Variants in CCDC9 observed in about 807,000 individuals in gnomAD.
CCDC9 encodes coiled-coil domain-containing protein 9.
CCDC9 carries 52 observed loss-of-function variants against 65.6 expected under a neutral mutation model. The observed-to-expected ratio is 0.79, with a 90% confidence interval of 0.63 to 1.00. CCDC9 has a LOEUF of 1.00. Ranked by LOEUF, CCDC9 falls within the 50% of genes least tolerant of loss-of-function variation. The pLI, the probability that CCDC9 is intolerant of heterozygous loss-of-function variation, is 0.00. For synonymous variants in CCDC9, 332 were observed against 280.3 expected, an observed-to-expected ratio of 1.18 and a Z score of -1.84; for missense variants, 834 against 757.2, an observed-to-expected ratio of 1.10 and a Z score of -1.19.
rs1568642375 is a variant in CCDC9 at position 47,271,528 on chromosome 19, C to T, written c.1446C>T (p.Ala482=). ...SPEEPLLEPQ[A]PGTPSSPFSP... Reference sequence around the variant, plus strand: ...AGGAGCCCCTGCTGGAGCCCCAGGCCCCTGGCACGCCTTCCAGCCCTTTCT... The same window carrying T: ...AGGAGCCCCTGCTGGAGCCCCAGGCTCCTGGCACGCCTTCCAGCCCTTTCT... Residue 482 remains alanine, a synonymous_variant, in exon 12 of 12, where the codon GCC becomes GCT. Coordinates refer to ENST00000221922, the MANE Select transcript of CCDC9 (RefSeq NM_015603.3). 2 of 1,613,036 alleles carry T rather than the reference C, an allele frequency of 1.2e-6. No individual in the cohort carries two copies. Among genetic ancestry groups the T allele is most frequent in the Non-Finnish European group, 1.7e-6 (2 of 1,179,886 alleles).
At position 47,271,849 on chromosome 19, in the gene CCDC9, G is replaced by GC; in HGVS notation, c.*174dup. 1.4e-6 allele frequency: 2 copies of GC among 1,404,916 alleles called. No individual in the cohort carries two copies. Among genetic ancestry groups the GC allele is most frequent in the Admixed American group, 3.0e-5 (1 of 33,280 alleles). 87.0% of individuals were successfully genotyped at this position (1,404,916 alleles called of 1,614,324 possible). Reference sequence around the variant, plus strand: ...CCCTGTCAGCTGAGGGGGTAGCGCAGCCCATGCTCTTCTGTACTGTCATGC... The same window carrying GC: ...CCCTGTCAGCTGAGGGGGTAGCGCAGCCCCATGCTCTTCTGTACTGTCATGC... On this transcript the variant is annotated 3_prime_UTR_variant, in exon 12 of 12. Coordinates refer to ENST00000221922, the MANE Select transcript of CCDC9 (RefSeq NM_015603.3).
intron 8 of CCDC9, 124 bp from the exon 9 acceptor site, chr19:47,270,283 G>A (rs1427935736): frequency 1.9e-5 from 17 of 896,740 alleles, no homozygotes; most frequent in African/African-American, 1.5e-4. Flanking sequence ...CCTACTTCTA[G>A]TGTCCCCTGT....
At chr19:47,261,129 TTCCC>T (rs1216216236) in intron 5 of CCDC9, among the ~76,000 whole-genome samples, 9 of 152,030 alleles carry the variant, frequency 5.9e-5, no homozygotes, top group Non-Finnish European at 1.0e-4. Context: ...CTCGCCTTCC[TTCCC>T]TCCCCTCTCC....
Position 47,266,772 on chromosome 19 carries a change from T to C in CCDC9, c.882T>C (p.Asp294=). The change falls in exon 8 of 12, where the codon GAT becomes GAC. Residue 294 remains aspartate (D), a synonymous_variant. Transcript: ENST00000221922. ...KPTGQWRREW[D]AEKTDGMFKD... ...CTGGCCAGTGGAGGCGCGAGTGGGA[T>C]GCCGAGAAGACCGATGGGATGTGAG... 6.2e-7 allele frequency: 1 copy of C among 1,609,396 alleles called. No homozygotes were observed. Among genetic ancestry groups the C allele is most frequent in the Non-Finnish European group, 8.5e-7 (1 of 1,178,020 alleles).
At chr19:47,264,421 C>G (rs1186403831) in intron 5 of CCDC9, among the ~76,000 whole-genome samples, 182 bp from the exon 6 acceptor site, 1 of 152,224 alleles carries the variant, frequency 6.6e-6, no homozygotes, top group African/African-American at 2.4e-5. Flanking sequence ...TCGCATAGTC[C>G]AAGCCTGGCC....
chr19:47,264,949 G>C lies in CCDC9; in HGVS notation c.720+3G>C. 1 of 1,442,454 alleles carries C rather than the reference G, an allele frequency of 6.9e-7. No individual in the cohort carries two copies. Among genetic ancestry groups the C allele is most frequent in the Non-Finnish European group, 9.1e-7 (1 of 1,101,622 alleles). The allele number at this position is 1,442,454 out of a possible 1,614,324, so 89.4% of individuals were successfully genotyped here. A position where few individuals can be genotyped will look rare whatever the true frequency, so the allele number is the denominator to read the frequency against. On this transcript the variant is annotated splice_donor_region_variant and intron_variant, in intron 7 of 11. Transcript: ENST00000221922. ...GTGGCCTTGAGCACGAGCGGCAGGT[G>C]GGTGTTGGCAGTGAGGACACCTCGG...
chr19:47,271,644 C>A lies in CCDC9; in HGVS notation c.1562C>A (p.Ser521Tyr), dbSNP rs756772589. 3 of 1,604,790 alleles carry A rather than the reference C, an allele frequency of 1.9e-6. No homozygotes were observed. The highest frequency in any genetic ancestry group is 2.6e-6 in the Non-Finnish European group (3 of 1,175,340). Reference protein sequence around the residue: ...PRTTHLAGALSPGEAWPFESV With the variant: ...PRTTHLAGALYPGEAWPFESV ...ACCACTCACCTGGCTGGCGCCCTCT[C>A]CCCGGGTGAGGCCTGGCCTTTTGAG... The change falls in exon 12 of 12, where the codon TCC becomes TAC. Residue 521 changes from serine (S) to tyrosine (Y), a missense_variant. Coordinates refer to ENST00000221922, the MANE Select transcript of CCDC9 (RefSeq NM_015603.3).
chr19:47,274,980 G>T (rs762385864), downstream of CCDC9: 1 of 1,462,340 alleles, frequency 6.8e-7, no homozygotes, highest in Non-Finnish European at 9.0e-7. Flanking sequence ...GGGGCTGAGC[G>T]AGGGCCCGCG....
downstream of CCDC9, chr19:47,272,073 T>C: frequency 1.6e-6 from 2 of 1,235,294 alleles, no homozygotes; most frequent in South Asian, 4.0e-5. Context: ...CCCTAGGAGG[T>C]GGCCAGTCAG....
At chr19:47,268,235 C>T (rs1174391817) in intron 8 of CCDC9, among the ~76,000 whole-genome samples, 4 of 152,124 alleles carry the variant, frequency 2.6e-5, no homozygotes, top group African/African-American at 7.2e-5. Context: ...GCCCTCATTG[C>T]ATCATCGTCA....
intron 3 of CCDC9, among the ~76,000 whole-genome samples, 154 bp downstream of exon 3, chr19:47,258,817 T>TATTC (rs902360934): frequency 3.3e-5 from 5 of 152,228 alleles, no homozygotes; most frequent in Admixed American, 2.0e-4. Flanking sequence ...TTCATTCCAT[T>TATTC]ATTCATTCAT....
intron 5 of CCDC9, among the ~76,000 whole-genome samples, chr19:47,263,776 G>C (rs1189354214): frequency 6.6e-6 from 1 of 151,966 alleles, no homozygotes; most frequent in Non-Finnish European, 1.5e-5. Flanking sequence ...ATGTTGGCCA[G>C]GCTGGTCTCG....
chr19:47,275,193 T>A (rs753747845), downstream of CCDC9: 1 of 1,498,426 alleles, frequency 6.7e-7, no homozygotes, highest in South Asian at 1.3e-5. Context: ...CGCCGCTGCC[T>A]CCCTCTCCTG....
chr19:47,256,572 G>C lies in CCDC9; in HGVS notation c.-109G>C, dbSNP rs917764437. On this transcript the variant is annotated 5_prime_UTR_variant, in exon 1 of 12. Coordinates refer to ENST00000221922, the MANE Select transcript of CCDC9 (RefSeq NM_015603.3). ...GGAGCTGCGGTCGCAGAGGCCGACG[G>C]AGCCGGAGTCGCGGACGCCGCGGGG... 6.6e-6 allele frequency: 1 copy of C among 152,476 alleles called. No homozygotes were observed. Among genetic ancestry groups the C allele is most frequent in the Non-Finnish European group, 1.5e-5 (1 of 68,214 alleles). The allele number at this position is 152,476 out of a possible 1,614,324, so 9.4% of individuals were successfully genotyped here. A position where few individuals can be genotyped will look rare whatever the true frequency, so the allele number is the denominator to read the frequency against.
At chr19:47,275,569 A>C, downstream of CCDC9, 2 of 602,494 alleles carry the variant, frequency 3.3e-6, no homozygotes, top group Non-Finnish European at 5.7e-6. Context: ...CATCAGGAAG[A>C]TCCCATCCTG....
chr19:47,258,320 C>CT lies in CCDC9; in HGVS notation c.-71-9dup, dbSNP rs2059024199. ...ATTGGCCTTTGTCCTTTTTTTCCCT[C>CT]TGTCCCCAGGAACCCTCAGTGCTGC... On this transcript the variant is annotated splice_polypyrimidine_tract_variant and intron_variant, in intron 1 of 11. Coordinates refer to ENST00000221922, the MANE Select transcript of CCDC9 (RefSeq NM_015603.3). 6.6e-6 allele frequency: 10 copies of CT among 1,508,896 alleles called. No homozygotes were observed. In the South Asian group the frequency reaches 1.1e-4, roughly 17 times the overall value. The allele number at this position is 1,508,896 out of a possible 1,614,324, so 93.5% of individuals were successfully genotyped here.
At chr19:47,275,063 C>T (rs2059148847), downstream of CCDC9, 2 of 1,494,994 alleles carry the variant, frequency 1.3e-6, no homozygotes, top group East Asian at 2.9e-5. Flanking sequence ...TGCTGCTCGC[C>T]GTGTACTACG....
chr19:47,275,315 G>T (rs927029786), downstream of CCDC9: 3 of 1,545,990 alleles, frequency 1.9e-6, no homozygotes, highest in East Asian at 2.5e-5. Flanking sequence ...CCAGAGAGAC[G>T]CCAGAGGCCG....
chr19:47,268,773 C>T (rs935398204), intron 8 of CCDC9, among the ~76,000 whole-genome samples: 8 of 151,708 alleles, frequency 5.3e-5, no homozygotes, highest in Admixed American at 4.6e-4. Flanking sequence ...AAAAATTAGC[C>T]GGGTGTGGTG....
Sources: allele counts gnomAD v4.1 joint callset (sites outside exome capture counted in the v4.1 genomes callset), GRCh38; gene constraint gnomAD v4.1.1; transcripts MANE v1.5; gene names NCBI Gene and HGNC (gene_info 2026-07-23, HGNC 2026-07-21).